The following CSTF3 variants were observed in gnomAD, a reference collection of about 807,000 sequenced individuals.
The protein encoded by CSTF3 is cleavage stimulation factor subunit 3.
CSTF3 carries 29 observed loss-of-function variants against 105.8 expected under a neutral mutation model. The observed-to-expected ratio is 0.27, with a 90% CI of 0.20 to 0.37. The LOEUF (loss-of-function observed/expected upper bound fraction) is 0.37. CSTF3 is among the 10% of genes least tolerant of loss of function. CSTF3 has a pLI of 1.00. For synonymous variants in CSTF3, 252 were observed against 281.9 expected, an observed-to-expected ratio of 0.89 and a Z score of 1.06; for missense variants, 357 against 879.3, an observed-to-expected ratio of 0.41 and a Z score of 7.51.
At chr11:33,152,951 G>A (rs747428899) in intron 1 of CSTF3, among the ~76,000 whole-genome samples, 1 of 150,104 alleles carries the variant, frequency 6.7e-6, no homozygotes, top group Non-Finnish European at 1.5e-5. Context: ...GTGAGACTCC[G>A]CCTCCAAAAA....
intron 3 of CSTF3, among the ~76,000 whole-genome samples, chr11:33,124,267 A>G (rs1855522407): frequency 6.6e-6 from 1 of 152,108 alleles, no homozygotes; most frequent in South Asian, 2.1e-4. Context: ...CATTTAGTTA[A>G]TTTCCAAACC....
At chr11:33,151,480 C>G (rs1176004918) in intron 1 of CSTF3, among the ~76,000 whole-genome samples, 1 of 152,192 alleles carries the variant, frequency 6.6e-6, no homozygotes, top group Admixed American at 6.5e-5. Flanking sequence ...GCCACCATGA[C>G]TGGCGTTGTT....
chr11:33,137,752 TAAGAA>T lies in CSTF3; in HGVS notation c.225+3910_225+3914del, dbSNP rs563795459. On this transcript the variant is annotated intron_variant, in intron 3 of 20. Coordinates refer to ENST00000323959, the MANE Select transcript of CSTF3 (RefSeq NM_001326.3). ...TACAAACAGGAAAAGTGTAGATCTA[TAAGAA>T]AAGAGTACAGATTTTTTTTGGTAAA... Among the ~76,000 whole-genome samples, 258 of 137,678 alleles carry T rather than the reference TAAGAA, an allele frequency of 1.9e-3. 2 individuals carry two copies. The highest frequency in any genetic ancestry group is 6.6e-3 in the African/African-American group (244 of 37,160). The allele number at this position is 137,678 out of a possible 152,430, so 90.3% of individuals were successfully genotyped here. A position where few individuals can be genotyped will look rare whatever the true frequency, so the allele number is the denominator to read the frequency against.
chr11:33,157,338 G>A (rs1849880165), intron 1 of CSTF3, among the ~76,000 whole-genome samples: 1 of 152,060 alleles, frequency 6.6e-6, no homozygotes, highest in African/African-American at 2.4e-5. Flanking sequence ...CTGGGCAACA[G>A]AGCAAGACTC....
chr11:33,155,354 ACT>A (rs1432935653), intron 1 of CSTF3, among the ~76,000 whole-genome samples: 1 of 149,766 alleles, frequency 6.7e-6, no homozygotes, highest in Non-Finnish European at 1.5e-5. Flanking sequence ...AAAGTGCAAG[ACT>A]CTGTCTCGAA....
chr11:33,136,908 T>C (rs114695309), intron 3 of CSTF3, among the ~76,000 whole-genome samples: 1,566 of 151,924 alleles, frequency 0.01, 26 homozygotes, highest in African/African-American at 0.035. Context: ...TGTTATTCCA[T>C]GAATGTCTAG....
At chr11:33,090,035 A>G (rs12796411) in intron 17 of CSTF3, among the ~76,000 whole-genome samples, 51,623 of 152,070 alleles carry the variant, frequency 0.34, 9,799 homozygotes, top group Middle Eastern at 0.47. Context: ...AAGGCCACTG[A>G]AGGAGCACTG....
Position 33,087,099 on chromosome 11 carries a change from C to T in CSTF3, c.1684G>A (p.Val562Ile). Residue 562 changes from valine to isoleucine, a missense_variant, in exon 18 of 21, where the codon GTT (valine) becomes ATT (isoleucine). Around this residue, in one of 4 missense-constraint regions of CSTF3, gnomAD observed 206 missense variants for 576.5 expected, o/e 0.36. Coordinates refer to ENST00000323959, the MANE Select transcript of CSTF3 (RefSeq NM_001326.3). Reference sequence around the variant, plus strand: ...ACAGGCACTATAGAAGGAGCTACAACTGGGTCCGGAATTATAGCTGCTAGC... The same window carrying T: ...ACAGGCACTATAGAAGGAGCTACAATTGGGTCCGGAATTATAGCTGCTAGC... Reference protein sequence around the residue: ...AKLAAIIPDPVVAPSIVPVLK... With the variant: ...AKLAAIIPDPIVAPSIVPVLK... 6.2e-7 allele frequency: 1 copy of T among 1,614,150 alleles called. No individual in the cohort carries two copies. The highest frequency in any genetic ancestry group is 8.5e-7 in the Non-Finnish European group (1 of 1,180,018).
At chr11:33,152,958 A>C (rs1849806923) in intron 1 of CSTF3, among the ~76,000 whole-genome samples, 1 of 147,280 alleles carries the variant, frequency 6.8e-6, no homozygotes, top group Non-Finnish European at 1.5e-5. Flanking sequence ...TCCGCCTCCA[A>C]AAAAAAAAAT....
At chr11:33,111,252 G>A (rs542289465) in intron 3 of CSTF3, among the ~76,000 whole-genome samples, 1 of 152,206 alleles carries the variant, frequency 6.6e-6, no homozygotes, top group East Asian at 1.9e-4. Context: ...AAAAGCAACA[G>A]AATAGAGAGG....
At chr11:33,095,833 A>T (rs1855217655) in intron 15 of CSTF3, among the ~76,000 whole-genome samples, 2 of 151,098 alleles carry the variant, frequency 1.3e-5, no homozygotes, top group Non-Finnish European at 3.0e-5. Flanking sequence ...TAAATAAATA[A>T]ATAAATAAAT....
At chr11:33,126,080 T>C (rs1320095920) in intron 3 of CSTF3, among the ~76,000 whole-genome samples, 1 of 152,160 alleles carries the variant, frequency 6.6e-6, no homozygotes, top group Non-Finnish European at 1.5e-5. Context: ...GTGTGCAAAC[T>C]ACCTTGAAAA....
rs182531058 is a variant in CSTF3, at chr11:33,132,238, A to G, written c.225+9429T>C. 8.9e-3 allele frequency among the ~76,000 whole-genome samples: 1,360 copies of G among 152,266 alleles called. 5 individuals are homozygous for G. Among genetic ancestry groups the G allele is most frequent in the Non-Finnish European group, 0.013 (884 of 68,002 alleles). ...CTTTAAATAAATGAAGACATTTTTA[A>G]ACATACCTTTTCCATACTACCAAAT... On this transcript the variant is annotated intron_variant, in intron 3 of 20. Coordinates refer to ENST00000323959, the MANE Select transcript of CSTF3 (RefSeq NM_001326.3).
chr11:33,109,784 A>G (rs2133779841), intron 3 of CSTF3, among the ~76,000 whole-genome samples: 1 of 152,258 alleles, frequency 6.6e-6, no homozygotes, highest in East Asian at 1.9e-4. Flanking sequence ...GTCAAGAATA[A>G]GTGTCTCTCT....
chr11:33,089,762 G>A (rs1364762316), intron 17 of CSTF3, among the ~76,000 whole-genome samples: 1 of 152,168 alleles, frequency 6.6e-6, no homozygotes, highest in Non-Finnish European at 1.5e-5. Flanking sequence ...GGAGAATGAT[G>A]GTCAGGAACA....
chr11:33,099,544 A>G lies in CSTF3; in HGVS notation c.936+64T>C. 9.7e-7 allele frequency: 1 copy of G among 1,029,918 alleles called. No individual in the cohort carries two copies. The allele number at this position is 1,029,918 out of a possible 1,614,324, so 63.8% of individuals were successfully genotyped here. A position where few individuals can be genotyped will look rare whatever the true frequency, so the allele number is the denominator to read the frequency against. On this transcript the variant is annotated intron_variant, in intron 11 of 20. Coordinates refer to ENST00000323959, the MANE Select transcript of CSTF3 (RefSeq NM_001326.3). This position sits in a 1 kb window ranked among gnomAD's most constrained non-coding sequence, Gnocchi z 4.1. ...TTACCAAAATTCAGTTATATTTTTC[A>G]GTAAATAATTGCTATATCAAAACCA...
intron 1 of CSTF3, 143 bp from the exon 2 acceptor site, chr11:33,142,129 C>T: frequency 7.1e-7 from 1 of 1,401,330 alleles, no homozygotes; most frequent in Non-Finnish European, 9.5e-7. Flanking sequence ...AAGTGTGTTT[C>T]CTAGAACCGA....
In CSTF3 at chr11:33,099,722, G is replaced by A; in HGVS notation, c.827-5C>T. ...ACTGTTCATAAGCAAACATAACTAA[G>A]GGAAGAAATTAACAAACAATATTCA... is the stretch of plus-strand genomic sequence containing the variant. On this transcript the variant is annotated splice_region_variant and splice_polypyrimidine_tract_variant and intron_variant, in intron 10 of 20. Transcript: ENST00000323959. This position sits in a 1 kb window ranked among gnomAD's most constrained non-coding sequence, Gnocchi z 4.1. 1 of 1,535,586 alleles carries A rather than the reference G, an allele frequency of 6.5e-7. No homozygotes were observed. The highest frequency in any genetic ancestry group is 2.3e-5 in the East Asian group (1 of 43,356).
At chr11:33,123,004 T>A (rs1855508407) in intron 3 of CSTF3, among the ~76,000 whole-genome samples, 1 of 151,508 alleles carries the variant, frequency 6.6e-6, no homozygotes, top group African/African-American at 2.4e-5. Context: ...AAGGAAAGTA[T>A]GTTCTTTTAT....
Sources: gnomAD v4.1 joint callset for allele counts (sites outside exome capture counted in the v4.1 genomes callset) on GRCh38, gnomAD v4.1.1 for gene constraint, gnomAD v4.1.1 regional missense constraint, Gnocchi (gnomAD v3.1) non-coding constraint, MANE v1.5 for transcripts, NCBI Gene and HGNC (gene_info 2026-07-23, HGNC 2026-07-21) for gene names.